EEFSEC: variants seen among roughly 807,000 people sequenced by gnomAD.
EEFSEC encodes selenocysteine-specific elongation factor.
In EEFSEC, 43 loss-of-function variants were observed where a neutral mutation model predicts 42.1. That is an observed-to-expected ratio of 1.02 (90% CI 0.80 to 1.32). The LOEUF is 1.32. Among genes scored for constraint, EEFSEC ranks in the 40% most tolerant of loss-of-function variants. EEFSEC has a pLI of 0.00. For synonymous variants in EEFSEC, 354 were observed against 339.1 expected (o/e 1.04, Z -0.48); for missense variants, 745 against 803.6 (o/e 0.93, Z 0.88).
chr3:128,213,988 T>C (rs532520655), intron 1 of EEFSEC, among the ~76,000 whole-genome samples: 3 of 152,254 alleles, frequency 2.0e-5, no homozygotes, highest in Non-Finnish European at 1.5e-5. Flanking sequence ...ATCTGGAAGA[T>C]ATAAAGAACA....
At chr3:128,209,067 G>A (rs1198257314) in intron 1 of EEFSEC, among the ~76,000 whole-genome samples, 1 of 152,158 alleles carries the variant, frequency 6.6e-6, no homozygotes, top group Admixed American at 6.5e-5. Flanking sequence ...GAACATTCTA[G>A]GCCAGCGTTT....
intron 4 of EEFSEC, among the ~76,000 whole-genome samples, chr3:128,281,799 A>G (rs1463939345): frequency 6.6e-6 from 1 of 152,002 alleles, no homozygotes; most frequent in African/African-American, 2.4e-5. Flanking sequence ...GGGGGTTTTG[A>G]GCCTTATGGC....
At chr3:128,340,499 T>C (rs1428589341) in intron 4 of EEFSEC, among the ~76,000 whole-genome samples, 1 of 152,150 alleles carries the variant, frequency 6.6e-6, no homozygotes, top group Admixed American at 6.5e-5. Context: ...TTTCAAGATA[T>C]TAAGCTCTTT....
intron 4 of EEFSEC, 75 bp downstream of exon 4, chr3:128,264,856 A>G: frequency 1.3e-6 from 2 of 1,503,348 alleles, no homozygotes; most frequent in Non-Finnish European, 8.9e-7. Context: ...TTGTCTGTTC[A>G]GCTGCTGAGC....
intron 4 of EEFSEC, among the ~76,000 whole-genome samples, chr3:128,271,333 G>A (rs1248678907): frequency 6.6e-6 from 1 of 152,210 alleles, no homozygotes; most frequent in African/African-American, 2.4e-5. Flanking sequence ...GTGGATATCG[G>A]CTCTCAAGGC....
chr3:128,418,409 CTGCCCCCACCACCCCA>C, the EEFSEC span, among the ~76,000 whole-genome samples: 1 of 152,094 alleles, frequency 6.6e-6, no homozygotes, highest in African/African-American at 2.4e-5. Flanking sequence ...GACTCCTCTC[CTGCCCCCACCACCCCA>C]TGCCCACACC....
In EEFSEC at chr3:128,358,205, G is replaced by A; in HGVS notation, c.1444-12G>A. 1 of 1,613,306 alleles carries A rather than the reference G, an allele frequency of 6.2e-7. No individual in the cohort carries two copies. Among genetic ancestry groups the A allele is most frequent in the South Asian group, 1.1e-5 (1 of 91,002 alleles). On this transcript the variant is annotated splice_polypyrimidine_tract_variant and intron_variant, in intron 5 of 6. Coordinates refer to ENST00000254730, the MANE Select transcript of EEFSEC (RefSeq NM_021937.5). Reference sequence around the variant, plus strand: ...TAATGCCCTCTCTCTGTGGCTGGGTGTGTGGGGACAGGCGATGGATGACTA... The same window carrying A: ...TAATGCCCTCTCTCTGTGGCTGGGTATGTGGGGACAGGCGATGGATGACTA...
At chr3:128,407,719 G>A (rs2068135316) in intron 6 of EEFSEC, among the ~76,000 whole-genome samples, 1 of 152,184 alleles carries the variant, frequency 6.6e-6, no homozygotes, top group Admixed American at 6.5e-5. Context: ...GGTCTCCAGA[G>A]GCAATCAGGG....
the EEFSEC span, among the ~76,000 whole-genome samples, chr3:128,424,483 A>C: frequency 2.0e-3 from 299 of 152,060 alleles, 5 homozygotes; most frequent in East Asian, 0.039. Flanking sequence ...CTAGGCTCTC[A>C]TGATCCTCCT....
At chr3:128,371,686 G>A (rs78628019) in intron 6 of EEFSEC, among the ~76,000 whole-genome samples, 9 of 152,312 alleles carry the variant, frequency 5.9e-5, no homozygotes, top group African/African-American at 1.4e-4. Context: ...CTGTTGGGGT[G>A]CAGAATGAGG....
intron 6 of EEFSEC, among the ~76,000 whole-genome samples, chr3:128,360,551 C>G (rs539703858): frequency 2.0e-5 from 3 of 152,200 alleles, no homozygotes; most frequent in Non-Finnish European, 4.4e-5. Context: ...AGCTCCCTTC[C>G]TGTAGCCCAA....
intron 6 of EEFSEC, among the ~76,000 whole-genome samples, chr3:128,381,916 G>A (rs986411077): frequency 6.6e-6 from 1 of 152,172 alleles, no homozygotes; most frequent in Non-Finnish European, 1.5e-5. Context: ...CCTGTGGCTG[G>A]GGCAGCAGGG....
the EEFSEC span, among the ~76,000 whole-genome samples, chr3:128,422,217 C>A: frequency 6.6e-6 from 1 of 152,206 alleles, no homozygotes; most frequent in Admixed American, 6.5e-5. Flanking sequence ...AGAACTCTAG[C>A]AGTGCCAACA....
chr3:128,340,066 A>G (rs1174401715), intron 4 of EEFSEC, among the ~76,000 whole-genome samples: 4 of 152,156 alleles, frequency 2.6e-5, no homozygotes, highest in East Asian at 1.9e-4. Context: ...CAGCCAAACC[A>G]TATCAGCCTC....
chr3:128,167,019 G>A (rs1261749954), intron 1 of EEFSEC, among the ~76,000 whole-genome samples: 2 of 152,134 alleles, frequency 1.3e-5, no homozygotes, highest in South Asian at 2.1e-4. Flanking sequence ...GCTGGCTGAC[G>A]AGGCCCCTCC....
intron 1 of EEFSEC, among the ~76,000 whole-genome samples, chr3:128,245,345 C>T (rs1475193221): frequency 6.6e-6 from 1 of 152,184 alleles, no homozygotes; most frequent in Non-Finnish European, 1.5e-5. Flanking sequence ...CTGTTCTGTT[C>T]ACGGTAGATG....
intron 1 of EEFSEC, among the ~76,000 whole-genome samples, chr3:128,168,382 C>T (rs1018014702): frequency 6.6e-6 from 1 of 152,164 alleles, no homozygotes; most frequent in Admixed American, 6.5e-5. Flanking sequence ...TCCTGGAGTG[C>T]CAGGTTGCTA....
chr3:128,390,274 G>A (rs750822961), intron 6 of EEFSEC, among the ~76,000 whole-genome samples: 23 of 152,198 alleles, frequency 1.5e-4, no homozygotes, highest in Non-Finnish European at 2.5e-4. Context: ...TCACCTGTCC[G>A]CTCTGTTAAT....
At chr3:128,325,076 C>T (rs1195240334) in intron 4 of EEFSEC, among the ~76,000 whole-genome samples, 5 of 152,212 alleles carry the variant, frequency 3.3e-5, no homozygotes, top group Non-Finnish European at 7.3e-5. Context: ...CAACATCCCT[C>T]GCTGGCCTAC....
Sources: allele counts gnomAD v4.1 joint callset (sites outside exome capture counted in the v4.1 genomes callset), GRCh38; gene constraint gnomAD v4.1.1; transcripts MANE v1.5; gene names NCBI Gene and HGNC (gene_info 2026-07-23, HGNC 2026-07-21).